Variants in MYO16 observed in about 807,000 individuals in gnomAD.
MYO16 encodes the protein myosin XVI.
A neutral mutation model predicts 205.3 loss-of-function variants in MYO16; 94 were observed. The ratio of observed to expected loss-of-function variants is 0.46; its 90% CI spans 0.39 to 0.54. The LOEUF (loss-of-function observed/expected upper bound fraction) is 0.54. Ranked by LOEUF, MYO16 falls within the 20% of genes least tolerant of loss-of-function variation. The pLI is 0.00. For missense variants in MYO16, 2,315 were observed against 2,387.5 expected (o/e 0.97, Z 0.63); for synonymous variants, 988 against 954.0 (o/e 1.04, Z -0.66).
At chr13:108,783,737 C>T (rs887980795) in intron 4 of MYO16, among the ~76,000 whole-genome samples, 1 of 152,150 alleles carries the variant, frequency 6.6e-6, no homozygotes, top group Non-Finnish European at 1.5e-5. Context: ...GTGAATAAGT[C>T]TCATGAGATC....
intron 2 of MYO16, among the ~76,000 whole-genome samples, chr13:108,678,790 TG>T (rs1730162067): frequency 6.6e-6 from 1 of 152,204 alleles, no homozygotes; most frequent in East Asian, 1.9e-4. Flanking sequence ...AGATGGTACC[TG>T]TATTGGTTTG....
At chr13:108,820,485 C>T in intron 8 of MYO16, 73 bp downstream of exon 8, 1 of 1,245,500 alleles carries the variant, frequency 8.0e-7, no homozygotes, top group Non-Finnish European at 1.2e-6. Flanking sequence ...AGCCATCCAT[C>T]TTCAGCACAG....
chr13:108,691,856 A>G (rs1305271448), intron 2 of MYO16, among the ~76,000 whole-genome samples: 2 of 152,210 alleles, frequency 1.3e-5, no homozygotes, highest in Non-Finnish European at 2.9e-5. Context: ...GTAAGCCGGG[A>G]AAATAGCTGG....
chr13:108,667,567 T>C (rs927153084), intron 2 of MYO16, among the ~76,000 whole-genome samples: 12 of 152,166 alleles, frequency 7.9e-5, no homozygotes, highest in African/African-American at 2.9e-4. Context: ...ACATCGAAGG[T>C]AGGGAGAATG....
intron 2 of MYO16, among the ~76,000 whole-genome samples, chr13:108,696,939 C>T (rs1883113813): frequency 6.7e-6 from 1 of 148,580 alleles, no homozygotes; most frequent in Non-Finnish European, 1.5e-5. Context: ...CCATGTAATA[C>T]TTTGCTCTAT....
intron 1 of MYO16, among the ~76,000 whole-genome samples, chr13:108,609,756 T>C (rs575140931): frequency 1.2e-4 from 19 of 152,192 alleles, no homozygotes; most frequent in Non-Finnish European, 1.9e-4. Flanking sequence ...TCCTTTCTGT[T>C]TTTAATATAG....
chr13:108,658,096 C>G (rs1477672984), intron 1 of MYO16, among the ~76,000 whole-genome samples: 1 of 152,072 alleles, frequency 6.6e-6, no homozygotes, highest in Middle Eastern at 3.2e-3. Context: ...AGAAAATGAA[C>G]TGAGGTAATT....
At chr13:108,846,179 A>G (rs1365949535) in intron 10 of MYO16, among the ~76,000 whole-genome samples, 1 of 152,076 alleles carries the variant, frequency 6.6e-6, no homozygotes, top group Non-Finnish European at 1.5e-5. Context: ...AGTGTCTAGC[A>G]CCCTCTTACT....
Position 109,127,368 on chromosome 13 carries a change from T to C in MYO16, c.3869T>C (p.Val1290Ala), listed in dbSNP as rs1291091843. ...GTGGATGGCCTGGGCCAGTGCCTCG[T>C]TGGCCCGTCCATCTGGTCTCCTTCG... is the stretch of plus-strand genomic sequence containing the variant. ...AAVDGLGQCL[V>A]GPSIWSPSLH... The change falls in exon 31 of 35, where the codon GTT becomes GCT. Residue 1290 changes from valine (V) to alanine (A), a missense_variant. Val to Ala is a moderately conservative substitution (Grantham distance 64, BLOSUM62 0). Around this residue, in one of 3 missense-constraint regions of MYO16, gnomAD observed 1,097 missense variants for 1,092.0 expected, o/e 1.00. Coordinates refer to ENST00000457511, the MANE Select transcript of MYO16 (RefSeq NM_001198950.3). The surrounding 1 kb of genome is among the most constrained non-coding windows in gnomAD (Gnocchi z 4.2). 4 of 1,613,676 alleles carry C rather than the reference T, an allele frequency of 2.5e-6. No homozygotes were observed. The highest frequency in any genetic ancestry group is 3.4e-6 in the Non-Finnish European group (4 of 1,179,870).
At chr13:108,980,030 T>A (rs1884399867) in intron 20 of MYO16, among the ~76,000 whole-genome samples, 1 of 152,162 alleles carries the variant, frequency 6.6e-6, no homozygotes. Context: ...TAAAGAACTA[T>A]GTATTTTGCC....
intron 20 of MYO16, among the ~76,000 whole-genome samples, chr13:108,972,744 C>A (rs1243378650): frequency 2.0e-5 from 3 of 151,768 alleles, no homozygotes; most frequent in Non-Finnish European, 4.4e-5. Context: ...TTGTAACATG[C>A]CTGTCTAGGG....
the MYO16 span, among the ~76,000 whole-genome samples, chr13:108,577,651 T>C: frequency 1.3e-5 from 2 of 152,220 alleles, no homozygotes; most frequent in African/African-American, 4.8e-5. Flanking sequence ...ATTCCTGAAA[T>C]AGTGTTTTCT....
At chr13:108,793,063 C>A (rs2138943894) in intron 5 of MYO16, among the ~76,000 whole-genome samples, 1 of 152,126 alleles carries the variant, frequency 6.6e-6, no homozygotes, top group East Asian at 1.9e-4. Context: ...GTGGGAGGAT[C>A]ACGAGGTCAG....
At chr13:108,953,025 G>A (rs963176830) in intron 16 of MYO16, among the ~76,000 whole-genome samples, 10 of 152,038 alleles carry the variant, frequency 6.6e-5, no homozygotes, top group African/African-American at 1.9e-4. Context: ...GAGCTGAAGC[G>A]AGTCCACTGG....
intron 2 of MYO16, among the ~76,000 whole-genome samples, chr13:108,689,937 A>T (rs1427199872): frequency 1.3e-5 from 2 of 152,226 alleles, no homozygotes; most frequent in East Asian, 3.8e-4. Flanking sequence ...TTTTTGTATA[A>T]TATAATGAGT....
the MYO16 span, among the ~76,000 whole-genome samples, chr13:108,524,262 T>C: frequency 6.6e-6 from 1 of 151,472 alleles, no homozygotes; most frequent in Non-Finnish European, 1.5e-5. Context: ...ATTGCGCCAC[T>C]GCACTCCACT....
chr13:108,922,542 C>T (rs1468409249), intron 16 of MYO16, among the ~76,000 whole-genome samples: 4 of 152,178 alleles, frequency 2.6e-5, no homozygotes, highest in Admixed American at 2.0e-4. Flanking sequence ...ACTTTCTTCA[C>T]GTCTAAAATC....
intron 16 of MYO16, among the ~76,000 whole-genome samples, chr13:108,911,213 C>CA (rs1213289522): frequency 2.1e-5 from 3 of 142,370 alleles, no homozygotes; most frequent in Non-Finnish European, 4.6e-5. Flanking sequence ...TTTAAGCCTG[C>CA]AAAAAAATAT....
chr13:109,171,871 T>C (rs551811767), intron 33 of MYO16, among the ~76,000 whole-genome samples: 1 of 152,326 alleles, frequency 6.6e-6, no homozygotes, highest in South Asian at 2.1e-4. Context: ...CATTTACATT[T>C]ATCATTCTGT....
Sources: gnomAD v4.1 joint callset for allele counts (sites outside exome capture counted in the v4.1 genomes callset) on GRCh38, gnomAD v4.1.1 for gene constraint, gnomAD v4.1.1 regional missense constraint, Gnocchi (gnomAD v3.1) non-coding constraint, MANE v1.5 for transcripts, NCBI Gene and HGNC (gene_info 2026-07-23, HGNC 2026-07-21) for gene names.